Variants in CERT1 observed in about 807,000 individuals in gnomAD.
The protein encoded by CERT1 is ceramide transporter 1.
CERT1 carries 31 observed loss-of-function variants against 87.9 expected under a neutral mutation model. The ratio of observed to expected loss-of-function variants is 0.35; its 90% CI spans 0.27 to 0.48. The LOEUF is 0.48. Ranked by LOEUF, CERT1 falls within the 20% of genes least tolerant of loss-of-function variation. The pLI is 0.99. For synonymous variants in CERT1, 289 were observed against 250.9 expected (o/e 1.15, Z -1.44); for missense variants, 487 against 758.0 (o/e 0.64, Z 4.20).
chr5:75,374,021 TA>T, downstream of CERT1: 1 of 398,630 alleles, frequency 2.5e-6, no homozygotes, highest in Non-Finnish European at 4.4e-6. Flanking sequence ...AAGAGATAGC[TA>T]GTGTTAGATG....
intron 5 of CERT1, among the ~76,000 whole-genome samples, chr5:75,420,824 T>C (rs985806160): frequency 6.6e-6 from 1 of 152,048 alleles, no homozygotes; most frequent in African/African-American, 2.4e-5. Context: ...TTGTGGCTTC[T>C]TCTTCTTCTT....
At chr5:75,453,492 C>G (rs764857387) in intron 3 of CERT1, among the ~76,000 whole-genome samples, 1 of 152,130 alleles carries the variant, frequency 6.6e-6, no homozygotes, top group Non-Finnish European at 1.5e-5. Flanking sequence ...GAAATACATA[C>G]TTACAGCACA....
At chr5:75,448,852 A>C (rs1764660710) in intron 3 of CERT1, among the ~76,000 whole-genome samples, 1 of 152,200 alleles carries the variant, frequency 6.6e-6, no homozygotes. Flanking sequence ...ACAGTTATTT[A>C]ACTCTAGATT....
chr5:75,425,864 A>C (rs555050772), intron 4 of CERT1, among the ~76,000 whole-genome samples: 1 of 152,378 alleles, frequency 6.6e-6, no homozygotes, highest in South Asian at 2.1e-4. Flanking sequence ...ATGGGAAAAA[A>C]TATTACTTGT....
Position 75,379,221 on chromosome 5 carries a change from T to C in CERT1, c.*125A>G. 1.2e-6 allele frequency: 1 copy of C among 856,360 alleles called. No homozygotes were observed. Among genetic ancestry groups the C allele is most frequent in the Non-Finnish European group, 1.8e-6 (1 of 553,566 alleles). The allele number at this position is 856,360 out of a possible 1,614,324, so 53.0% of individuals were successfully genotyped here. A position where few individuals can be genotyped will look rare whatever the true frequency, so the allele number is the denominator to read the frequency against. ...ACAACAACAAAAACCAACGAAACAA[T>C]ACTCTATAGGGGAACATCAAAAAAC... On this transcript the variant is annotated 3_prime_UTR_variant, in exon 17 of 17. Transcript: ENST00000643780.
chr5:75,405,167 T>A (rs1762652985), intron 8 of CERT1, among the ~76,000 whole-genome samples: 1 of 152,220 alleles, frequency 6.6e-6, no homozygotes, highest in African/African-American at 2.4e-5. Context: ...TTTTATCTCA[T>A]CATGCTTACT....
chr5:75,456,189 T>A (rs1764973905), intron 3 of CERT1, among the ~76,000 whole-genome samples: 1 of 152,214 alleles, frequency 6.6e-6, no homozygotes, highest in African/African-American at 2.4e-5. Flanking sequence ...AAATTTCTCC[T>A]TCTTACATGT....
rs1163232646 is a variant in CERT1, at chr5:75,381,956, C to T, written c.1610G>A (p.Ser537Asn). Residue 537 changes from serine (S) to asparagine (N), a missense_variant, in exon 15 of 17, where the codon AGT becomes AAT. Transcript: ENST00000643780. ...IVCNFSVDHDSAPLNNRCVRA... is the reference protein window; with the variant it reads ...IVCNFSVDHDNAPLNNRCVRA... ...TTATATACATGTACTTACAGGAGCACTGTCATGATCCACAGAAAAATTACA... is the reference window on the plus strand; with the variant it reads ...TTATATACATGTACTTACAGGAGCATTGTCATGATCCACAGAAAAATTACA... 1 of 1,612,434 alleles carries T rather than the reference C, an allele frequency of 6.2e-7. No individual in the cohort carries two copies. Among genetic ancestry groups the T allele is most frequent in the East Asian group, 2.2e-5 (1 of 44,846 alleles).
intron 5 of CERT1, among the ~76,000 whole-genome samples, chr5:75,422,759 A>AT (rs1763442207): frequency 6.6e-6 from 1 of 152,188 alleles, no homozygotes; most frequent in South Asian, 2.1e-4. Context: ...TATGGCTGTT[A>AT]TTTGGAGACA....
At chr5:75,441,084 T>G (rs1764301233) in intron 3 of CERT1, among the ~76,000 whole-genome samples, 1 of 152,172 alleles carries the variant, frequency 6.6e-6, no homozygotes, top group Non-Finnish European at 1.5e-5. Flanking sequence ...TTCTAGTATG[T>G]ACAGTCATGC....
At chr5:75,418,864 A>C (rs1763252566) in intron 6 of CERT1, among the ~76,000 whole-genome samples, 4 of 152,216 alleles carry the variant, frequency 2.6e-5, no homozygotes, top group Admixed American at 2.6e-4. Flanking sequence ...AAAACTTTTG[A>C]AGGTGATATA....
At chr5:75,467,445 A>G (rs537820526) in intron 2 of CERT1, among the ~76,000 whole-genome samples, 16 of 152,200 alleles carry the variant, frequency 1.1e-4, no homozygotes, top group African/African-American at 3.9e-4. Flanking sequence ...GTTCAAGACT[A>G]GCCTGGTCAA....
chr5:75,497,052 G>A (rs1767102973), intron 2 of CERT1, among the ~76,000 whole-genome samples: 1 of 152,020 alleles, frequency 6.6e-6, no homozygotes, highest in Non-Finnish European at 1.5e-5. Flanking sequence ...AAGAAAAAAA[G>A]ACTATCAAGA....
In CERT1 at chr5:75,384,531, C is replaced by G; in HGVS notation, c.1488+111G>C. Reference sequence around the variant, plus strand: ...TTCATGAATCATTATTTAATAAAGTCTTTGGATTTTTGTGGCTTTTAATAA... The same window carrying G: ...TTCATGAATCATTATTTAATAAAGTGTTTGGATTTTTGTGGCTTTTAATAA... On this transcript the variant is annotated intron_variant, in intron 14 of 16. Transcript: ENST00000643780. 3 of 658,890 alleles carry G rather than the reference C, an allele frequency of 4.6e-6. No individual in the cohort carries two copies. In the South Asian group the frequency reaches 5.8e-5, roughly 13 times the overall value. The allele number at this position is 658,890 out of a possible 1,614,324, so 40.8% of individuals were successfully genotyped here. A position where few individuals can be genotyped will look rare whatever the true frequency, so the allele number is the denominator to read the frequency against.
intron 8 of CERT1, among the ~76,000 whole-genome samples, chr5:75,405,233 T>C (rs925164112): frequency 1.1e-4 from 16 of 152,260 alleles, no homozygotes; most frequent in African/African-American, 3.9e-4. Context: ...TGTTAACAAC[T>C]CTCCTTGAAG....
intron 2 of CERT1, among the ~76,000 whole-genome samples, chr5:75,460,024 G>T (rs1034543590): frequency 4.1e-5 from 6 of 146,056 alleles, no homozygotes; most frequent in African/African-American, 1.0e-4. Context: ...GGCTGGTCTC[G>T]AACTCCTGGC....
intron 6 of CERT1, among the ~76,000 whole-genome samples, chr5:75,418,070 C>A (rs1427181437): frequency 6.6e-6 from 1 of 152,168 alleles, no homozygotes; most frequent in African/African-American, 2.4e-5. Context: ...GCAGGACAAT[C>A]ACTTGAAACC....
intron 4 of CERT1, among the ~76,000 whole-genome samples, chr5:75,425,871 T>C (rs1226852227): frequency 1.3e-5 from 2 of 152,264 alleles, no homozygotes; most frequent in East Asian, 3.8e-4. Flanking sequence ...AAAATATTAC[T>C]TGTGTCCTTT....
At chr5:75,427,793 G>C (rs1580755504) in intron 3 of CERT1, among the ~76,000 whole-genome samples, 1 of 151,992 alleles carries the variant, frequency 6.6e-6, no homozygotes, top group East Asian at 1.9e-4. Flanking sequence ...AAACCTGTAG[G>C]TTTAGTAAAC....
Sources: gnomAD v4.1 joint callset for allele counts (sites outside exome capture counted in the v4.1 genomes callset) on GRCh38, gnomAD v4.1.1 for gene constraint, MANE v1.5 for transcripts, NCBI Gene and HGNC (gene_info 2026-07-23, HGNC 2026-07-21) for gene names.